Variants in USP11 observed in about 807,000 individuals in gnomAD.
The protein encoded by USP11 is ubiquitin specific peptidase 11, also known as ubiquitin carboxyl-terminal hydrolase 11.
Under a neutral mutation model 72.8 loss-of-function variants are expected in USP11, and 5 were observed. The ratio of observed to expected loss-of-function variants is 0.07; its 90% CI spans 0.04 to 0.14. The LOEUF (loss-of-function observed/expected upper bound fraction) is 0.14, where lower values mean the gene tolerates loss of function less well. Among genes scored for constraint, USP11 ranks in the 10% least tolerant of loss-of-function variants. USP11 has a pLI of 1.00. For missense variants in USP11, 480 were observed against 794.7 expected, an observed-to-expected ratio of 0.60 and a Z score of 4.76; for synonymous variants, 368 against 326.5, an observed-to-expected ratio of 1.13 and a Z score of -1.37.
intron 1 of USP11, among the ~76,000 whole-genome samples, chrX:47,235,879 A>C (rs1303131524): frequency 9.0e-6 from 1 of 111,425 alleles, no homozygotes; most frequent in Non-Finnish European, 1.9e-5. Flanking sequence ...AAATAACCAC[A>C]GTGTTTTGTA....
chrX:47,233,737 G>T, intron 1 of USP11: 1 of 179,465 alleles, frequency 5.6e-6, no homozygotes. Flanking sequence ...TGGAGCCTGG[G>T]AACGAGGTTA....
At chrX:47,239,280 G>C (rs188629412) in intron 2 of USP11, 71 bp from the exon 3 acceptor site, 1 of 1,182,749 alleles carries the variant, frequency 8.5e-7, no homozygotes, top group Admixed American at 2.4e-5. Context: ...GGTCACTGGT[G>C]GGGTGGCCAG....
chrX:47,240,069 G>A (rs990049029), intron 4 of USP11, among the ~76,000 whole-genome samples, 162 bp downstream of exon 4: 3 of 111,824 alleles, frequency 2.7e-5, no homozygotes, highest in Non-Finnish European at 3.8e-5. Flanking sequence ...GCACTGAGGG[G>A]ATCTACTAGA....
intron 1 of USP11, among the ~76,000 whole-genome samples, chrX:47,235,565 G>A (rs1209345441): frequency 9.1e-6 from 1 of 110,109 alleles, no homozygotes; most frequent in Admixed American, 9.7e-5. Flanking sequence ...CTGGTCTCCT[G>A]CTTGCATTCT....
chrX:47,234,757 A>G (rs1412151580), intron 1 of USP11, among the ~76,000 whole-genome samples: 1 of 112,089 alleles, frequency 8.9e-6, no homozygotes, highest in Non-Finnish European at 1.9e-5. Context: ...CCACCCCCCA[A>G]AAAATAAGTA....
At chrX:47,237,486 C>T (rs1418216492) in intron 1 of USP11, among the ~76,000 whole-genome samples, 1 of 111,356 alleles carries the variant, frequency 9.0e-6, no homozygotes, top group Non-Finnish European at 1.9e-5. Flanking sequence ...GGAAAGTTGA[C>T]ATTTTAAAGA....
chrX:47,245,609 A>G (rs2055428565), intron 17 of USP11, 127 bp downstream of exon 17: 6 of 436,939 alleles, frequency 1.4e-5, no homozygotes, highest in South Asian at 4.0e-5. Context: ...CAGTGGTACA[A>G]TCTCGGCTCA....
chrX:47,240,231 G>A, intron 4 of USP11, 74 bp from the exon 5 acceptor site: 1 of 1,162,237 alleles, frequency 8.6e-7, no homozygotes, highest in South Asian at 1.9e-5. Context: ...GTAGGGATGA[G>A]TCAGGTATGC....
intron 1 of USP11, among the ~76,000 whole-genome samples, chrX:47,237,520 GGA>G (rs2055377949): frequency 9.0e-6 from 1 of 110,826 alleles, no homozygotes; most frequent in South Asian, 3.8e-4. Context: ...GGTTAAATTG[GGA>G]GAATCGCTTG....
intron 3 of USP11, 50 bp downstream of exon 3, chrX:47,239,531 C>G: frequency 8.3e-7 from 1 of 1,201,975 alleles, no homozygotes. Context: ...GTAAGAAAGC[C>G]TTGTAGGCCC....
chrX:47,241,800 G>A (rs993813581), intron 9 of USP11, 101 bp downstream of exon 9: 12 of 994,598 alleles, frequency 1.2e-5, no homozygotes, highest in Non-Finnish European at 1.5e-5. Context: ...ACCATTTTCT[G>A]TTAAGTTTCT....
intron 1 of USP11, chrX:47,233,648 A>C: frequency 1.6e-6 from 1 of 624,630 alleles, no homozygotes; most frequent in Non-Finnish European, 1.9e-6. Context: ...GAGCTTTGTG[A>C]CGTCAGCAGA....
chrX:47,247,773 C>T lies in USP11; in HGVS notation c.2626-20C>T, dbSNP rs771271760. The T allele has an allele frequency of 3.3e-6, 4 of 1,208,517 alleles. No individual in the cohort carries two copies. The highest frequency in any genetic ancestry group is 1.8e-5 in the South Asian group (1 of 56,709). ...TCCCCACCCCCACAATCCACACTGACTCCTGTCCTCTCCCCACAGTCCAAG... is the reference window on the plus strand; with the variant it reads ...TCCCCACCCCCACAATCCACACTGATTCCTGTCCTCTCCCCACAGTCCAAG... On this transcript the variant is annotated intron_variant, in intron 20 of 20. Coordinates refer to ENST00000377107, the MANE Select transcript of USP11 (RefSeq NM_001371072.1).
rs2055426170 is a variant in USP11 at position 47,245,280 on chromosome X, A to T, written c.2158-90A>T. 3.2e-6 allele frequency: 3 copies of T among 942,132 alleles called. No homozygotes were observed. The Admixed American group carries it at 7.6e-5, about 24-fold the overall frequency. The allele number at this position is 942,132 out of a possible 1,213,427, so 77.6% of individuals were successfully genotyped here. ...TCAAAGTCGGTGCTCTGACCCACTC[A>T]GTGTGTGTCTCCCCCGCTGGGCCCC... On this transcript the variant is annotated intron_variant, in intron 16 of 20. Transcript: ENST00000377107.
chrX:47,239,169 A>T lies in USP11; in HGVS notation c.276A>T (p.Thr92=). 8.3e-7 allele frequency: 1 copy of T among 1,207,210 alleles called. No individual in the cohort carries two copies. Among genetic ancestry groups the T allele is most frequent in the Non-Finnish European group, 1.1e-6 (1 of 893,270 alleles). The change falls in exon 2 of 21, where the codon ACA becomes ACT. Residue 92 remains threonine (T), a synonymous_variant. Transcript: ENST00000377107. ...TCCCTGGCTGCATCAACAATGCCAC[A>T]CTCTTTCAAGGTACAAGGCCTTTGC... ...STFPGCINNA[T]LFQDEINWRL... is the part of the protein sequence containing the mutation.
chrX:47,244,953 G>C (rs1470084989), intron 15 of USP11, 29 bp downstream of exon 15: 16 of 1,209,295 alleles, frequency 1.3e-5, no homozygotes, highest in Non-Finnish European at 1.8e-5. Context: ...AGCGAGGGCT[G>C]GGGAGGCTGG....
In USP11 at chrX:47,247,775, C is replaced by T. The variant is rs1322263249; in HGVS notation, c.2626-18C>T. On this transcript the variant is annotated intron_variant, in intron 20 of 20. Transcript: ENST00000377107. ...CCCACCCCCACAATCCACACTGACTCCTGTCCTCTCCCCACAGTCCAAGGC... is the reference window on the plus strand; with the variant it reads ...CCCACCCCCACAATCCACACTGACTTCTGTCCTCTCCCCACAGTCCAAGGC... The T allele has an allele frequency of 1.2e-5, 14 of 1,205,352 alleles. No homozygotes were observed. Among genetic ancestry groups the T allele is most frequent in the Non-Finnish European group, 1.6e-5 (14 of 893,350 alleles).
At chrX:47,239,273 C>T (rs2055390203) in intron 2 of USP11, 78 bp from the exon 3 acceptor site, 1 of 1,178,103 alleles carries the variant, frequency 8.5e-7, no homozygotes, top group Non-Finnish European at 1.1e-6. Context: ...TGTGCTAGGT[C>T]ACTGGTGGGG....
intron 1 of USP11, among the ~76,000 whole-genome samples, chrX:47,238,037 G>T (rs2055382663): frequency 9.0e-6 from 1 of 111,389 alleles, no homozygotes; most frequent in African/African-American, 3.3e-5. Context: ...AAGAGAGCTA[G>T]TTGAACTGTA....
Sources: gnomAD v4.1 joint callset for allele counts (sites outside exome capture counted in the v4.1 genomes callset) on GRCh38, gnomAD v4.1.1 for gene constraint, MANE v1.5 for transcripts, NCBI Gene and HGNC (gene_info 2026-07-23, HGNC 2026-07-21) for gene names.